Variants in SMOC2 observed in about 807,000 individuals in gnomAD.
SMOC2 encodes SPARC related modular calcium binding 2, also known as SPARC-related modular calcium-binding protein 2.
A neutral mutation model predicts 61.4 loss-of-function variants in SMOC2; 39 were observed. The observed-to-expected ratio is 0.64, with a 90% confidence interval of 0.49 to 0.83. The LOEUF (loss-of-function observed/expected upper bound fraction) is 0.83, where lower values mean the gene tolerates loss of function less well. SMOC2 is among the 40% of genes least tolerant of loss of function. SMOC2 has a pLI of 0.00. For missense variants in SMOC2, 556 were observed against 592.9 expected, an observed-to-expected ratio of 0.94 and a Z score of 0.65; for synonymous variants, 247 against 239.9, an observed-to-expected ratio of 1.03 and a Z score of -0.27.
At chr6:168,476,893 G>T (rs1214870326) in intron 1 of SMOC2, among the ~76,000 whole-genome samples, 1 of 150,936 alleles carries the variant, frequency 6.6e-6, no homozygotes, top group African/African-American at 2.4e-5. Flanking sequence ...TGAAACATTT[G>T]GAACTGCTTG....
chr6:168,541,448 G>A (rs1783877372), intron 4 of SMOC2, among the ~76,000 whole-genome samples: 1 of 152,178 alleles, frequency 6.6e-6, no homozygotes, highest in Admixed American at 6.5e-5. Flanking sequence ...TGGAAGTTCA[G>A]CAAATCCTTA....
At chr6:168,626,300 T>C (rs1583170494) in intron 9 of SMOC2, among the ~76,000 whole-genome samples, 1 of 152,116 alleles carries the variant, frequency 6.6e-6, no homozygotes, top group South Asian at 2.1e-4. Context: ...GCTTGGGGTG[T>C]GAGGAAAGAA....
intron 11 of SMOC2, among the ~76,000 whole-genome samples, chr6:168,659,045 T>A (rs879684450): frequency 3.0e-3 from 365 of 122,890 alleles, no homozygotes; most frequent in Non-Finnish European, 4.7e-3. Flanking sequence ...TATGTGTGTG[T>A]GTGGCGTGTG....
At position 168,518,145 on chromosome 6, in the gene SMOC2, A is replaced by C. The variant is rs186363943; in HGVS notation, c.256+8059A>C. On this transcript the variant is annotated intron_variant, in intron 2 of 12. Coordinates refer to ENST00000356284, the MANE Select transcript of SMOC2 (RefSeq NM_001166412.2). ...CGCCTTGGAGGAAGCGGGAGTCGCG[A>C]CGTCCCCATGAGGCTCCTTCACCCC... Among the ~76,000 whole-genome samples the C allele has an allele frequency of 3.6e-4, 55 of 152,270 alleles. 1 individual carries two copies. In the East Asian group the frequency reaches 8.3e-3, roughly 23 times the overall value.
chr6:168,659,767 T>TTAGGGTG (rs1787450519), intron 11 of SMOC2, among the ~76,000 whole-genome samples: 1 of 128,170 alleles, frequency 7.8e-6, no homozygotes, highest in Non-Finnish European at 1.7e-5. Flanking sequence ...GTAGGTTGGG[T>TTAGGGTG]GAGGTTGTAG....
chr6:168,473,361 A>G (rs916233487), intron 1 of SMOC2, among the ~76,000 whole-genome samples: 6 of 152,186 alleles, frequency 3.9e-5, no homozygotes, highest in Admixed American at 2.0e-4. Flanking sequence ...TCATGGCCCA[A>G]TTGGCATTGC....
chr6:168,514,342 T>C (rs1233308865), intron 2 of SMOC2, among the ~76,000 whole-genome samples: 1 of 152,078 alleles, frequency 6.6e-6, no homozygotes, highest in Non-Finnish European at 1.5e-5. Flanking sequence ...TCTTGCTTCA[T>C]TGGCTAGGAA....
At chr6:168,476,404 T>C (rs1219565953) in intron 1 of SMOC2, among the ~76,000 whole-genome samples, 2 of 152,086 alleles carry the variant, frequency 1.3e-5, no homozygotes, top group African/African-American at 4.8e-5. Context: ...TCCTGTAATA[T>C]CACTACTAAG....
chr6:168,494,061 C>G (rs1562554860), intron 1 of SMOC2, among the ~76,000 whole-genome samples: 1 of 152,214 alleles, frequency 6.6e-6, no homozygotes, highest in African/African-American at 2.4e-5. Flanking sequence ...CTGTTTCCAT[C>G]ATAAACCTCA....
In SMOC2 at chr6:168,544,459, G is replaced by A. The variant is rs907139272; in HGVS notation, c.511+787G>A. Among the ~76,000 whole-genome samples the A allele has an allele frequency of 6.6e-6, 1 of 152,160 alleles. No homozygotes were observed. Among genetic ancestry groups the A allele is most frequent in the African/African-American group, 2.4e-5 (1 of 41,440 alleles). ...AGGCCGAGGCAGGCAGATCACCTGA[G>A]GTCAGGAGTTTGAGACCAGCCTGGC... On this transcript the variant is annotated intron_variant, in intron 5 of 12. Transcript: ENST00000356284. The surrounding 1 kb of genome is among the most constrained non-coding windows in gnomAD (Gnocchi z 4.1).
chr6:168,508,813 GTACTACC>G (rs1782938170), intron 1 of SMOC2, among the ~76,000 whole-genome samples: 1 of 152,338 alleles, frequency 6.6e-6, no homozygotes, highest in South Asian at 2.1e-4. Flanking sequence ...AGAGGGCCAC[GTACTACC>G]ATAGCCTATG....
At chr6:168,526,944 AAGTC>A (rs1226916610) in intron 3 of SMOC2, among the ~76,000 whole-genome samples, 1 of 152,200 alleles carries the variant, frequency 6.6e-6, no homozygotes, top group Non-Finnish European at 1.5e-5. Flanking sequence ...ACTGTTGAGA[AAGTC>A]AGCCAGCTCT....
chr6:168,606,554 C>T (rs1033101739), intron 8 of SMOC2, among the ~76,000 whole-genome samples: 1 of 152,034 alleles, frequency 6.6e-6, no homozygotes, highest in Non-Finnish European at 1.5e-5. Flanking sequence ...AAATATGTCC[C>T]TTTAGAGAGA....
intron 7 of SMOC2, among the ~76,000 whole-genome samples, chr6:168,570,184 A>C (rs1175772844): frequency 6.6e-6 from 1 of 152,062 alleles, no homozygotes; most frequent in Non-Finnish European, 1.5e-5. Flanking sequence ...AAGGCTGAAA[A>C]ATATTCAGAA....
At chr6:168,510,748 C>T (rs1322962919) in intron 2 of SMOC2, among the ~76,000 whole-genome samples, 1 of 152,210 alleles carries the variant, frequency 6.6e-6, no homozygotes, top group Non-Finnish European at 1.5e-5. Flanking sequence ...ACACTGCAAA[C>T]CAGCACTGAG....
At position 168,608,191 on chromosome 6, in the gene SMOC2, G is replaced by A. The variant is rs1785762462; in HGVS notation, c.859G>A (p.Ala287Thr). The change falls in exon 9 of 13, where the codon GCC becomes ACC. Residue 287 changes from alanine (A) to threonine (T), a missense_variant. By Grantham distance (58) the Ala-to-Thr change is moderately conservative. Coordinates refer to ENST00000356284, the MANE Select transcript of SMOC2 (RefSeq NM_001166412.2). ...EQPKCDNTAR[A>T]HPAKARDLYK... is the part of the protein sequence containing the mutation. The stretch of plus-strand genomic sequence containing the variant: ...GCCGAAATGTGACAACACGGCCAGG[G>A]CCCACCCAGCCAAAGCCCGGGACCT... 3 of 1,613,678 alleles carry A rather than the reference G, an allele frequency of 1.9e-6. No individual in the cohort carries two copies. Among genetic ancestry groups the A allele is most frequent in the South Asian group, 1.1e-5 (1 of 90,980 alleles).
chr6:168,533,450 AT>A (rs1291989777), intron 4 of SMOC2, among the ~76,000 whole-genome samples: 26 of 152,352 alleles, frequency 1.7e-4, no homozygotes, highest in Non-Finnish European at 5.9e-5. Context: ...AGCTAACTGA[AT>A]TTTTAATTTT....
chr6:168,486,046 T>G (rs1309680103), intron 1 of SMOC2, among the ~76,000 whole-genome samples: 1 of 152,236 alleles, frequency 6.6e-6, no homozygotes, highest in Non-Finnish European at 1.5e-5. Context: ...TGCATCGTTG[T>G]GTACCGTTCG....
intron 9 of SMOC2, among the ~76,000 whole-genome samples, chr6:168,615,685 A>G (rs867956632): frequency 2.3e-5 from 3 of 130,342 alleles, no homozygotes; most frequent in East Asian, 2.4e-4. Context: ...ACCTACAGCC[A>G]GCACAGGGCC....
Sources: allele counts gnomAD v4.1 joint callset (sites outside exome capture counted in the v4.1 genomes callset), GRCh38; gene constraint gnomAD v4.1.1; non-coding constraint Gnocchi (gnomAD v3.1); transcripts MANE v1.5; gene names NCBI Gene and HGNC (gene_info 2026-07-23, HGNC 2026-07-21).